Variants in ALPK1 observed in about 807,000 individuals in gnomAD.
ALPK1 encodes the protein alpha kinase 1, also known as alpha-protein kinase 1.
A neutral mutation model predicts 120.6 loss-of-function variants in ALPK1; 110 were observed. That is an observed-to-expected ratio of 0.91 (90% confidence interval 0.78 to 1.07). The LOEUF is 1.07. Ranked by LOEUF, ALPK1 falls within the 50% of genes least tolerant of loss-of-function variation. The pLI, the probability that ALPK1 is intolerant of heterozygous loss-of-function variation, is 0.00. For synonymous variants in ALPK1, 582 were observed against 560.3 expected (o/e 1.04, Z -0.55); for missense variants, 1,498 against 1,483.9 (o/e 1.01, Z -0.16).
chr4:112,391,327 G>A (rs1348032727), intron 4 of ALPK1, among the ~76,000 whole-genome samples: 1 of 152,166 alleles, frequency 6.6e-6, no homozygotes, highest in Non-Finnish European at 1.5e-5. Flanking sequence ...GAGTGTCAGT[G>A]TTACAGCCAA....
intron 11 of ALPK1, 52 bp downstream of exon 11, chr4:112,432,633 G>A (rs770451100): frequency 1.4e-5 from 21 of 1,524,724 alleles, no homozygotes; most frequent in Non-Finnish European, 1.8e-5. Context: ...CTGTGTTGGG[G>A]CACTCTGAAG....
intron 3 of ALPK1, among the ~76,000 whole-genome samples, chr4:112,382,032 A>G (rs531970156): frequency 6.6e-6 from 1 of 152,378 alleles, no homozygotes; most frequent in South Asian, 2.1e-4. Flanking sequence ...CCAGAATGCC[A>G]TTCCATTTCA....
At chr4:112,317,771 A>T in intron 2 of ALPK1, among the ~76,000 whole-genome samples, 1 of 152,024 alleles carries the variant, frequency 6.6e-6, no homozygotes, top group South Asian at 2.1e-4. Flanking sequence ...GTTTTCGATG[A>T]TTTTTTGCAG....
intron 4 of ALPK1, among the ~76,000 whole-genome samples, chr4:112,389,881 A>T (rs1193767027): frequency 6.6e-6 from 1 of 152,140 alleles, no homozygotes; most frequent in Non-Finnish European, 1.5e-5. Context: ...TGCCTGACAT[A>T]TCCATTCCAT....
chr4:112,430,817 T>G lies in ALPK1; in HGVS notation c.1270T>G (p.Phe424Val). The change falls in exon 11 of 16, where the codon TTC becomes GTC. Residue 424 changes from phenylalanine (F) to valine (V), a missense_variant. Transcript: ENST00000650871. The part of the protein sequence containing the change: ...QVKEHLQVQS[F>V]SNVDDRSYVP... Reference sequence around the variant, plus strand: ...GAAGGAACATTTACAAGTTCAAAGCTTCTCAAATGTAGATGACAGATCTTA... The same window carrying G: ...GAAGGAACATTTACAAGTTCAAAGCGTCTCAAATGTAGATGACAGATCTTA... 6.2e-7 allele frequency: 1 copy of G among 1,614,218 alleles called. No homozygotes were observed. The highest frequency in any genetic ancestry group is 8.5e-7 in the Non-Finnish European group (1 of 1,180,028).
chr4:112,407,148 G>C (rs1733217945), intron 4 of ALPK1, among the ~76,000 whole-genome samples: 1 of 152,184 alleles, frequency 6.6e-6, no homozygotes, highest in Non-Finnish European at 1.5e-5. Flanking sequence ...CCAGGAACTG[G>C]GGAGAGTGGA....
rs1299587559 is a variant in ALPK1, at chr4:112,442,610, A to C, written c.*1400A>C. The C allele has an allele frequency of 6.6e-6, 1 of 152,084 alleles. No homozygotes were observed. Among genetic ancestry groups the C allele is most frequent in the Non-Finnish European group, 1.5e-5 (1 of 68,014 alleles). 9.4% of individuals were successfully genotyped at this position (152,084 alleles called of 1,614,324 possible). A position where few individuals can be genotyped will look rare whatever the true frequency, so the allele number is the denominator to read the frequency against. On this transcript the variant is annotated 3_prime_UTR_variant, in exon 16 of 16. Transcript: ENST00000650871. ...CCCCTGAACTTAAAATAAAAGTAAA[A>C]AAAAAAAATCATTGAATATTGTGAA...
Position 112,431,713 on chromosome 4 carries a change from G to A in ALPK1, c.2166G>A (p.Trp722Ter), listed in dbSNP as rs1410674345. 4 of 1,614,060 alleles carry A rather than the reference G, an allele frequency of 2.5e-6. No homozygotes were observed. In the African/African-American group the frequency reaches 5.3e-5, roughly 22 times the overall value. The change falls in exon 11 of 16, where the codon TGG becomes TGA. Residue 722 changes from tryptophan (W) to a stop codon, truncating the protein, a stop_gained. Coordinates refer to ENST00000650871, the MANE Select transcript of ALPK1 (RefSeq NM_025144.4). LOFTEE classifies it high-confidence loss of function. ...GACCCTCATATCGTTCTGCTTCTTG[G>A]TCTTCTGATTCTGGTAGGCCCAAGA... ...HSRPSYRSASWSSDSGRPKNM... is the reference protein window; with the variant it reads ...HSRPSYRSAS
chr4:112,436,521 G>A (rs1294287440), intron 12 of ALPK1, among the ~76,000 whole-genome samples: 1 of 152,190 alleles, frequency 6.6e-6, no homozygotes, highest in Non-Finnish European at 1.5e-5. Flanking sequence ...CTGGAGTAGG[G>A]TGGGCCCCTG....
At chr4:112,316,748 T>G (rs1276965394) in intron 2 of ALPK1, among the ~76,000 whole-genome samples, 1 of 152,176 alleles carries the variant, frequency 6.6e-6, no homozygotes, top group Non-Finnish European at 1.5e-5. Context: ...TTTTCTGTAC[T>G]TATTGGCCAT....
intron 2 of ALPK1, among the ~76,000 whole-genome samples, chr4:112,317,480 C>T (rs761112175): frequency 2.0e-5 from 3 of 152,074 alleles, no homozygotes; most frequent in Non-Finnish European, 4.4e-5. Context: ...TTCCCAATAC[C>T]GTTTGTTGGA....
chr4:112,407,561 G>A (rs1023440470), intron 4 of ALPK1, among the ~76,000 whole-genome samples: 3 of 152,166 alleles, frequency 2.0e-5, no homozygotes, highest in Non-Finnish European at 2.9e-5. Context: ...TTTTGATTTT[G>A]TAACTTTGGA....
intron 1 of ALPK1, among the ~76,000 whole-genome samples, chr4:112,310,531 A>G (rs1728349489): frequency 6.6e-6 from 1 of 152,136 alleles, no homozygotes; most frequent in Admixed American, 6.5e-5. Flanking sequence ...CAGGTTATTT[A>G]AAAACAAGAC....
chr4:112,432,519 G>T lies in ALPK1; in HGVS notation c.2972G>T (p.Trp991Leu), dbSNP rs1396733188. The T allele has an allele frequency of 6.2e-7, 1 of 1,614,152 alleles. No homozygotes were observed. Among genetic ancestry groups the T allele is most frequent in the South Asian group, 1.1e-5 (1 of 91,084 alleles). The change falls in exon 11 of 16, where the codon TGG (tryptophan) becomes TTG (leucine). Residue 991 changes from tryptophan (W) to leucine (L), a missense_variant. Trp to Leu is a moderately conservative substitution (Grantham distance 61). Transcript: ENST00000650871. ...CTGTTGGCAGGAGTGAGGCATGATT[G>T]GCTGTTTCAGAGACTAGAGAATACG... is the stretch of plus-strand genomic sequence containing the variant. ...EKLLAGVRHD[W>L]LFQRLENTGV... is the part of the protein sequence containing the mutation.
Position 112,377,547 on chromosome 4 carries a change from C to T in ALPK1, c.-100-131C>T, listed in dbSNP as rs115479848. ...CCAGGCCCTGCAGTAATTTCACACA[C>T]TCCTCTAATAAAGTCCTCGGGGGCT... On this transcript the variant is annotated intron_variant, in intron 2 of 15. Transcript: ENST00000650871. 1.0e-3 allele frequency: 309 copies of T among 304,316 alleles called. 1 individual carries two copies. The highest frequency in any genetic ancestry group is 6.4e-3 in the African/African-American group (295 of 46,294). The allele number at this position is 304,316 out of a possible 1,614,324, so 18.9% of individuals were successfully genotyped here. A position where few individuals can be genotyped will look rare whatever the true frequency, so the allele number is the denominator to read the frequency against.
At position 112,441,260 on chromosome 4, in the gene ALPK1, G is replaced by C; in HGVS notation, c.*50G>C. 1 of 1,229,034 alleles carries C rather than the reference G, an allele frequency of 8.1e-7. No homozygotes were observed. The highest frequency in any genetic ancestry group is 1.2e-6 in the Non-Finnish European group (1 of 828,526). The allele number at this position is 1,229,034 out of a possible 1,614,324, so 76.1% of individuals were successfully genotyped here. A position where few individuals can be genotyped will look rare whatever the true frequency, so the allele number is the denominator to read the frequency against. On this transcript the variant is annotated 3_prime_UTR_variant, in exon 16 of 16. Transcript: ENST00000650871. ...GGGCTTGGGCAGGGCCGTGACACAG[G>C]TTCTGGCCAATGATTTGCAAGAGGA...
At position 112,313,923 on chromosome 4, in the gene ALPK1, TA is replaced by T. The variant is rs367897980; in HGVS notation, c.-152-1877del. ...GAATTTTGCTAAAAAAGACAATAAC[TA>T]CTGATGAAAGTGAGATGAAGAGATT... On this transcript the variant is annotated intron_variant, in intron 1 of 15. Coordinates refer to ENST00000650871, the MANE Select transcript of ALPK1 (RefSeq NM_025144.4). Among the ~76,000 whole-genome samples, 526 of 152,234 alleles carry T rather than the reference TA, an allele frequency of 3.5e-3. 2 individuals are homozygous for T. Among genetic ancestry groups the T allele is most frequent in the African/African-American group, 0.012 (517 of 41,532 alleles).
intron 4 of ALPK1, among the ~76,000 whole-genome samples, chr4:112,391,241 T>C (rs997343348): frequency 6.6e-6 from 1 of 152,210 alleles, no homozygotes; most frequent in Non-Finnish European, 1.5e-5. Flanking sequence ...TGTTCAGCAA[T>C]TGGAAGTTTT....
In ALPK1 at chr4:112,372,415, T is replaced by C. The variant is rs1324044963; in HGVS notation, c.-100-5263T>C. Among the ~76,000 whole-genome samples the C allele has an allele frequency of 2.6e-5, 4 of 152,234 alleles. No homozygotes were observed. In the East Asian group the frequency reaches 7.7e-4, roughly 29 times the overall value. ...TTTTAGTAAAGACCGGGTTTCTCCG[T>C]AGCCAGGATGGTCTCAATCTCCTGA... On this transcript the variant is annotated intron_variant, in intron 2 of 15. Transcript: ENST00000650871.
Sources: gnomAD v4.1 joint callset for allele counts (sites outside exome capture counted in the v4.1 genomes callset) on GRCh38, gnomAD v4.1.1 for gene constraint, MANE v1.5 for transcripts, NCBI Gene and HGNC (gene_info 2026-07-23, HGNC 2026-07-21) for gene names.